PEX5L: variants seen among roughly 807,000 people sequenced by gnomAD.
The protein encoded by PEX5L is PEX5-related protein.
A neutral mutation model predicts 84.0 loss-of-function variants in PEX5L; 30 were observed. That is an observed-to-expected ratio of 0.36 (90% CI 0.27 to 0.48). The LOEUF (loss-of-function observed/expected upper bound fraction) is 0.48, where lower values mean the gene tolerates loss of function less well. Among genes scored for constraint, PEX5L ranks in the 20% least tolerant of loss-of-function variants. The pLI, the probability that PEX5L is intolerant of heterozygous loss-of-function variation, is 0.99. For missense variants in PEX5L, 533 were observed against 754.6 expected, an observed-to-expected ratio of 0.71 and a Z score of 3.44; for synonymous variants, 270 against 283.1, an observed-to-expected ratio of 0.95 and a Z score of 0.46.
intron 14 of PEX5L, among the ~76,000 whole-genome samples, chr3:179,805,287 G>T (rs1180240405): frequency 6.6e-6 from 1 of 151,284 alleles, no homozygotes; most frequent in Admixed American, 6.6e-5. Context: ...AGTGTTGCCA[G>T]ATTTAGCAAA....
At chr3:180,033,465 T>G (rs1199300041) in intron 1 of PEX5L, among the ~76,000 whole-genome samples, 1 of 152,210 alleles carries the variant, frequency 6.6e-6, no homozygotes, top group African/African-American at 2.4e-5. Context: ...AAAATTGAAA[T>G]TATATTTCTC....
chr3:179,846,889 C>T (rs925279731), intron 8 of PEX5L, among the ~76,000 whole-genome samples: 1 of 152,044 alleles, frequency 6.6e-6, no homozygotes, highest in African/African-American at 2.4e-5. Flanking sequence ...GAACTACACC[C>T]CAAACTCACC....
intron 1 of PEX5L, among the ~76,000 whole-genome samples, chr3:179,981,386 T>G (rs1468369355): frequency 1.3e-5 from 2 of 151,774 alleles, no homozygotes; most frequent in African/African-American, 4.8e-5. Flanking sequence ...AAGGCTGGAG[T>G]CAAAGAGAGA....
At chr3:179,926,238 G>C (rs751212720) in intron 2 of PEX5L, among the ~76,000 whole-genome samples, 1 of 152,120 alleles carries the variant, frequency 6.6e-6, no homozygotes, top group South Asian at 2.1e-4. Flanking sequence ...CTGCTGGACT[G>C]TTTCCATCTG....
chr3:179,932,754 T>G (rs1027496708), intron 2 of PEX5L, among the ~76,000 whole-genome samples: 1 of 152,168 alleles, frequency 6.6e-6, no homozygotes, highest in African/African-American at 2.4e-5. Flanking sequence ...TGACAAAAAT[T>G]GCATATATTT....
intron 3 of PEX5L, 32 bp downstream of exon 3, chr3:179,898,110 G>C: frequency 7.4e-7 from 1 of 1,356,982 alleles, no homozygotes; most frequent in Non-Finnish European, 1.0e-6. Flanking sequence ...ACATATGTCA[G>C]CTTCCTACAG....
chr3:179,897,608 G>C (rs1417792303), intron 3 of PEX5L, among the ~76,000 whole-genome samples: 1 of 152,008 alleles, frequency 6.6e-6, no homozygotes, highest in Non-Finnish European at 1.5e-5. Context: ...TTTCTGCATG[G>C]GGACTCAGGG....
At chr3:180,011,191 A>G (rs531066300) in intron 1 of PEX5L, among the ~76,000 whole-genome samples, 35 of 152,350 alleles carry the variant, frequency 2.3e-4, no homozygotes, top group African/African-American at 8.4e-4. Flanking sequence ...GCTCTCAATT[A>G]CAGTGTATTA....
At chr3:179,866,139 G>A (rs971965336) in intron 7 of PEX5L, among the ~76,000 whole-genome samples, 4 of 152,170 alleles carry the variant, frequency 2.6e-5, no homozygotes, top group East Asian at 3.8e-4. Flanking sequence ...TAAAGAGAGA[G>A]AAGAAAGGAT....
intron 8 of PEX5L, among the ~76,000 whole-genome samples, chr3:179,834,288 A>G (rs1734195945): frequency 6.6e-6 from 1 of 152,252 alleles, no homozygotes; most frequent in Non-Finnish European, 1.5e-5. Flanking sequence ...GGCCGCCTGG[A>G]GCCATCTTGA....
chr3:179,809,371 G>T, intron 12 of PEX5L, 100 bp downstream of exon 12: 1 of 832,580 alleles, frequency 1.2e-6, no homozygotes. Context: ...CCATTCTGGA[G>T]TGGGTGGTGT....
chr3:179,937,104 A>G (rs1203159397), intron 2 of PEX5L, among the ~76,000 whole-genome samples: 1 of 152,198 alleles, frequency 6.6e-6, no homozygotes. Flanking sequence ...GTGCTAAAAG[A>G]AATAAGAACA....
At chr3:179,860,446 G>A (rs999810872) in intron 7 of PEX5L, among the ~76,000 whole-genome samples, 1 of 152,222 alleles carries the variant, frequency 6.6e-6, no homozygotes, top group African/African-American at 2.4e-5. Context: ...GGAATTACTT[G>A]AACAGGCCTG....
chr3:179,805,115 CAA>C (rs1164089962), intron 14 of PEX5L, among the ~76,000 whole-genome samples: 1 of 120,266 alleles, frequency 8.3e-6, no homozygotes. Context: ...GCCTCCATCT[CAA>C]AAAAAAAAAT....
intron 7 of PEX5L, among the ~76,000 whole-genome samples, chr3:179,868,053 T>TA (rs1749008729): frequency 6.7e-6 from 1 of 149,354 alleles, no homozygotes; most frequent in Admixed American, 6.7e-5. Context: ...TTTTTTTTTT[T>TA]TTTTTTTTTT....
At chr3:179,950,786 CAAT>C (rs1263411055) in intron 2 of PEX5L, among the ~76,000 whole-genome samples, 2 of 152,112 alleles carry the variant, frequency 1.3e-5, no homozygotes, top group South Asian at 2.1e-4. Context: ...GCAAGTAAAA[CAAT>C]AGTAGTGCAG....
At chr3:179,953,998 C>T (rs1779805647) in intron 2 of PEX5L, among the ~76,000 whole-genome samples, 1 of 152,210 alleles carries the variant, frequency 6.6e-6, no homozygotes, top group Middle Eastern at 3.4e-3. Context: ...CTTGAGTCTT[C>T]TAGAAAGATT....
rs1306539294 is a variant in PEX5L, at chr3:179,798,138, A to C, written c.*3690T>G. On this transcript the variant is annotated 3_prime_UTR_variant, in exon 15 of 15. Transcript: ENST00000467460. ...GTATTTAGACATGGGTCCCACGTTC[A>C]ATATAATAGTATCTTAAAGAGAAGA... The C allele has an allele frequency of 1.3e-5, 2 of 152,226 alleles. No homozygotes were observed. Among genetic ancestry groups the C allele is most frequent in the African/African-American group, 4.8e-5 (2 of 41,462 alleles). 9.4% of individuals were successfully genotyped at this position (152,226 alleles called of 1,614,324 possible). A position where few individuals can be genotyped will look rare whatever the true frequency, so the allele number is the denominator to read the frequency against.
rs1369039491 is a variant in PEX5L, at chr3:180,036,769, T to G, written c.-170A>C. 2.9e-6 allele frequency: 2 copies of G among 698,668 alleles called. No homozygotes were observed. Among genetic ancestry groups the G allele is most frequent in the South Asian group, 3.2e-5 (2 of 62,906 alleles). 43.3% of individuals were successfully genotyped at this position (698,668 alleles called of 1,614,324 possible). On this transcript the variant is annotated 5_prime_UTR_variant, in exon 1 of 15. Coordinates refer to ENST00000467460, the MANE Select transcript of PEX5L (RefSeq NM_016559.3). ...CCGGCCGGCGGCCACTCGGCAGCGCTGCGGGCTGCCGGGAACTGTTCTCCG... is the reference window on the plus strand; with the variant it reads ...CCGGCCGGCGGCCACTCGGCAGCGCGGCGGGCTGCCGGGAACTGTTCTCCG...
Sources: allele counts gnomAD v4.1 joint callset (sites outside exome capture counted in the v4.1 genomes callset), GRCh38; gene constraint gnomAD v4.1.1; transcripts MANE v1.5; gene names NCBI Gene and HGNC (gene_info 2026-07-23, HGNC 2026-07-21).